Variants in CTNND2 observed in about 807,000 individuals in gnomAD.
The protein encoded by CTNND2 is catenin delta-2.
Under a neutral mutation model 144.4 loss-of-function variants are expected in CTNND2, and 22 were observed. That is an observed-to-expected ratio of 0.15 (90% confidence interval 0.11 to 0.22). The LOEUF is 0.22. Ranked by LOEUF, CTNND2 falls within the 10% of genes least tolerant of loss-of-function variation. The probability of loss-of-function intolerance (pLI) is 1.00; values close to 1 mark genes in which losing one functional copy is unlikely to be tolerated. For missense variants in CTNND2, 1,353 were observed against 1,618.8 expected (o/e 0.84, Z 2.82); for synonymous variants, 751 against 695.6 (o/e 1.08, Z -1.25).
At chr5:11,896,425 T>G (rs962988724) in intron 1 of CTNND2, among the ~76,000 whole-genome samples, 3 of 152,174 alleles carry the variant, frequency 2.0e-5, no homozygotes, top group Admixed American at 2.0e-4. Flanking sequence ...TCAATGAGCA[T>G]GCACTACTTT....
At chr5:11,435,119 T>A (rs1166064641) in intron 3 of CTNND2, among the ~76,000 whole-genome samples, 1 of 141,018 alleles carries the variant, frequency 7.1e-6, no homozygotes, top group Non-Finnish European at 1.5e-5. Context: ...TTTTTACTAT[T>A]TATTTATTTA....
intron 2 of CTNND2, among the ~76,000 whole-genome samples, chr5:11,726,696 C>T (rs1005458576): frequency 3.9e-5 from 6 of 152,128 alleles, no homozygotes; most frequent in Admixed American, 3.3e-4. Flanking sequence ...TACAAAACCC[C>T]ACATACTAAA....
At chr5:11,289,279 C>T (rs2188854) in intron 9 of CTNND2, among the ~76,000 whole-genome samples, 70,307 of 152,110 alleles carry the variant, frequency 0.46, 16,439 homozygotes, top group African/African-American at 0.51. Flanking sequence ...TTCTGTCTTG[C>T]AAACTTTCAC....
At chr5:11,623,802 GTGTATGTATATATATATA>G (rs1267572215) in intron 2 of CTNND2, among the ~76,000 whole-genome samples, 21 of 38,548 alleles carry the variant, frequency 5.4e-4, no homozygotes, top group Non-Finnish European at 8.0e-4. Flanking sequence ...ATATATATGT[GTGTATGTATATATATATA>G]TATATATATA....
chr5:11,169,892 C>A (rs142185670), intron 11 of CTNND2, among the ~76,000 whole-genome samples: 61 of 151,684 alleles, frequency 4.0e-4, no homozygotes, highest in African/African-American at 1.4e-3. Context: ...GTAAAAAGAG[C>A]AACAGCTTTT....
At chr5:11,062,986 G>A (rs767849295) in intron 16 of CTNND2, among the ~76,000 whole-genome samples, 3 of 152,136 alleles carry the variant, frequency 2.0e-5, no homozygotes, top group Admixed American at 6.6e-5. Flanking sequence ...TTTCTTCAAC[G>A]GGGCAGTTTC....
intron 8 of CTNND2, among the ~76,000 whole-genome samples, chr5:11,347,262 C>A (rs1046774251): frequency 6.6e-6 from 1 of 152,154 alleles, no homozygotes; most frequent in Admixed American, 6.5e-5. Flanking sequence ...GAAGCTGTCA[C>A]AGAAACAAAC....
At chr5:11,265,698 ATTTTTTTTTTTT>A (rs5865929) in intron 9 of CTNND2, among the ~76,000 whole-genome samples, 1 of 77,418 alleles carries the variant, frequency 1.3e-5, no homozygotes, top group African/African-American at 5.4e-5. Context: ...TGTATTCTCT[ATTTTTTTTTTTT>A]TTTTTTTTTT....
chr5:11,239,386 T>C (rs532859554), intron 9 of CTNND2, among the ~76,000 whole-genome samples: 1 of 152,298 alleles, frequency 6.6e-6, no homozygotes, highest in Admixed American at 6.5e-5. Flanking sequence ...AAAGAAAGGC[T>C]GCTGCCAGCT....
rs144885845 is a variant in CTNND2, at chr5:11,116,847, C to T, written c.2277+603G>A. ...CTGAGGTGGGCGGATCACTTGAGGT[C>T]AGGTGTTTGAGACCAGCCTGGCCAA... On this transcript the variant is annotated intron_variant, in intron 13 of 21. Coordinates refer to ENST00000304623, the MANE Select transcript of CTNND2 (RefSeq NM_001332.4). Among the ~76,000 whole-genome samples the T allele has an allele frequency of 1.4e-3, 208 of 152,194 alleles. 8 individuals are homozygous for T. In the East Asian group the frequency reaches 0.031, roughly 22 times the overall value.
intron 16 of CTNND2, among the ~76,000 whole-genome samples, chr5:11,081,088 A>ACACACACACACACACT (rs1554039129): frequency 1.5e-4 from 22 of 151,206 alleles, no homozygotes; most frequent in Middle Eastern, 6.8e-3. Context: ...ACACACACAC[A>ACACACACACACACACT]CACACACACA....
intron 2 of CTNND2, among the ~76,000 whole-genome samples, chr5:11,570,248 C>A (rs926038511): frequency 6.6e-6 from 1 of 152,174 alleles, no homozygotes; most frequent in Admixed American, 6.5e-5. Flanking sequence ...GCCTGGCTGC[C>A]TTCTTTGCAC....
chr5:11,595,493 CTTAT>C (rs1316765490), intron 2 of CTNND2, among the ~76,000 whole-genome samples: 3 of 152,154 alleles, frequency 2.0e-5, no homozygotes, highest in South Asian at 4.1e-4. Flanking sequence ...GTATAAACCT[CTTAT>C]TTGAGACCTC....
At chr5:11,004,589 C>T (rs1580006450) in intron 18 of CTNND2, among the ~76,000 whole-genome samples, 1 of 151,992 alleles carries the variant, frequency 6.6e-6, no homozygotes, top group East Asian at 1.9e-4. Context: ...CATGGAGAAA[C>T]CCTGTCTCTA....
intron 5 of CTNND2, among the ~76,000 whole-genome samples, chr5:11,407,200 T>C (rs896697919): frequency 6.6e-6 from 1 of 152,170 alleles, no homozygotes; most frequent in Non-Finnish European, 1.5e-5. Context: ...CAAGCTTCTG[T>C]TGGTAAATTA....
At chr5:11,849,628 A>T (rs1438356652) in intron 1 of CTNND2, among the ~76,000 whole-genome samples, 1 of 152,168 alleles carries the variant, frequency 6.6e-6, no homozygotes. Context: ...CCTTAACTGG[A>T]AAGGTAGGTA....
At chr5:11,285,847 G>A (rs890461373) in intron 9 of CTNND2, among the ~76,000 whole-genome samples, 1 of 66,144 alleles carries the variant, frequency 1.5e-5, no homozygotes, top group African/African-American at 5.8e-5. Context: ...TCCAGGAACT[G>A]AGGGAGAGTG....
intron 21 of CTNND2, among the ~76,000 whole-genome samples, chr5:10,974,660 T>C (rs1473812781): frequency 6.6e-6 from 1 of 152,174 alleles, no homozygotes; most frequent in Admixed American, 6.5e-5. Flanking sequence ...TGTGCAGTAA[T>C]TGGGGAGGAG....
intron 1 of CTNND2, among the ~76,000 whole-genome samples, chr5:11,740,821 A>G (rs1449976516): frequency 6.6e-6 from 1 of 152,212 alleles, no homozygotes; most frequent in East Asian, 1.9e-4. Context: ...CAGAATCTAC[A>G]AAGAACTCAA....
Sources: allele counts gnomAD v4.1 joint callset (sites outside exome capture counted in the v4.1 genomes callset), GRCh38; gene constraint gnomAD v4.1.1; transcripts MANE v1.5; gene names NCBI Gene and HGNC (gene_info 2026-07-23, HGNC 2026-07-21).